Variants in CADPS observed in about 807,000 individuals in gnomAD.
The protein encoded by CADPS is calcium dependent secretion activator.
In CADPS, 57 loss-of-function variants were observed where a neutral mutation model predicts 167.3. That is an observed-to-expected ratio of 0.34 (90% CI 0.28 to 0.42). CADPS has a LOEUF of 0.42. Ranked by LOEUF, CADPS falls within the 20% of genes least tolerant of loss-of-function variation. The probability of loss-of-function intolerance (pLI) is 1.00; values close to 1 mark genes in which losing one functional copy is unlikely to be tolerated. For missense variants in CADPS, 1,414 were observed against 1,738.1 expected (o/e 0.81, Z 3.32); for synonymous variants, 676 against 635.3 (o/e 1.06, Z -0.96).
chr3:62,656,149 T>C (rs946152676), intron 4 of CADPS, among the ~76,000 whole-genome samples: 31 of 152,146 alleles, frequency 2.0e-4, no homozygotes, highest in Admixed American at 2.0e-3. Flanking sequence ...TGAATATGTT[T>C]TGATCACTGA....
chr3:62,473,478 T>C (rs1033713935), intron 24 of CADPS, among the ~76,000 whole-genome samples: 1 of 152,240 alleles, frequency 6.6e-6, no homozygotes, highest in Non-Finnish European at 1.5e-5. Context: ...TCTGAATTAA[T>C]TCTAAATTGG....
chr3:62,580,364 C>T (rs2152522114), intron 8 of CADPS, among the ~76,000 whole-genome samples: 1 of 152,162 alleles, frequency 6.6e-6, no homozygotes, highest in South Asian at 2.1e-4. Flanking sequence ...CATGTTCTCA[C>T]TCATAGATCG....
rs749950296 is a variant in CADPS, at chr3:62,445,726, A to AC, written c.3669+38dup. ...AAAGTAAAAATGAAAAAAAAAAAAA[A>AC]CAAAAAAACCCCATGAGAAACAATT... On this transcript the variant is annotated intron_variant, in intron 27 of 29. Transcript: ENST00000383710. 6 of 1,197,486 alleles carry AC rather than the reference A, an allele frequency of 5.0e-6. No individual in the cohort carries two copies. In the Admixed American group the frequency reaches 8.1e-5, roughly 16 times the overall value. 74.2% of individuals were successfully genotyped at this position (1,197,486 alleles called of 1,614,324 possible). A position where few individuals can be genotyped will look rare whatever the true frequency, so the allele number is the denominator to read the frequency against.
intron 3 of CADPS, among the ~76,000 whole-genome samples, chr3:62,685,403 G>A (rs991871513): frequency 5.3e-5 from 8 of 151,850 alleles, no homozygotes; most frequent in Admixed American, 1.3e-4. Flanking sequence ...AAGTATAAAC[G>A]TGCCATATAA....
chr3:62,517,250 G>A (rs1044908392), intron 14 of CADPS, among the ~76,000 whole-genome samples: 1 of 152,136 alleles, frequency 6.6e-6, no homozygotes, highest in Non-Finnish European at 1.5e-5. Context: ...TCCAGTGACT[G>A]GTTTCAGGTT....
chr3:62,461,695 C>A (rs545911832), intron 26 of CADPS, among the ~76,000 whole-genome samples: 1 of 152,198 alleles, frequency 6.6e-6, no homozygotes, highest in Non-Finnish European at 1.5e-5. Flanking sequence ...GAGCTTAAGT[C>A]GCTCATGTCC....
At chr3:62,704,164 C>T (rs1358053778) in intron 3 of CADPS, among the ~76,000 whole-genome samples, 1 of 152,036 alleles carries the variant, frequency 6.6e-6, no homozygotes, top group Non-Finnish European at 1.5e-5. Flanking sequence ...GAACATTAGA[C>T]CAAGAAGAAA....
intron 5 of CADPS, among the ~76,000 whole-genome samples, chr3:62,648,856 T>C (rs1426857969): frequency 6.6e-6 from 1 of 152,084 alleles, no homozygotes; most frequent in African/African-American, 2.4e-5. Flanking sequence ...ATACATTCAG[T>C]ACCTCAGGTG....
chr3:62,652,406 A>ACC (rs2070406308), intron 4 of CADPS, among the ~76,000 whole-genome samples: 2 of 148,366 alleles, frequency 1.3e-5, no homozygotes, highest in African/African-American at 2.5e-5. Context: ...GGCCAAAAAA[A>ACC]AAAAAAAAAA....
chr3:62,649,924 A>G (rs1157482099), intron 5 of CADPS, among the ~76,000 whole-genome samples: 2 of 151,962 alleles, frequency 1.3e-5, no homozygotes, highest in African/African-American at 2.4e-5. Flanking sequence ...GTTCCTTTTA[A>G]TTGCTGAATC....
chr3:62,411,344 G>A (rs1346189210), intron 28 of CADPS, among the ~76,000 whole-genome samples: 2 of 152,136 alleles, frequency 1.3e-5, no homozygotes, highest in African/African-American at 2.4e-5. Context: ...ATAACATTTT[G>A]TTTGTTGGCA....
intron 1 of CADPS, among the ~76,000 whole-genome samples, chr3:62,794,863 A>G (rs1208077646): frequency 1.3e-5 from 2 of 151,852 alleles, no homozygotes; most frequent in African/African-American, 4.8e-5. Flanking sequence ...GAATTTTTAA[A>G]AATCTAATTT....
At chr3:62,798,888 T>TGTA (rs936882361) in intron 1 of CADPS, among the ~76,000 whole-genome samples, 4 of 152,192 alleles carry the variant, frequency 2.6e-5, no homozygotes, top group African/African-American at 7.2e-5. Context: ...ATGAATGACC[T>TGTA]GTATTGGCTC....
intron 9 of CADPS, among the ~76,000 whole-genome samples, chr3:62,568,539 A>T (rs768400598): frequency 1.3e-5 from 2 of 152,152 alleles, no homozygotes. Context: ...TGTACCAGTG[A>T]CTTGCTGGGG....
intron 1 of CADPS, among the ~76,000 whole-genome samples, chr3:62,772,015 A>G (rs1408792854): frequency 2.0e-5 from 3 of 152,216 alleles, no homozygotes; most frequent in African/African-American, 7.2e-5. Context: ...TCCTCTGTAA[A>G]TAGGGGAAAG....
intron 1 of CADPS, chr3:62,779,278 T>C: frequency 2.8e-6 from 1 of 353,138 alleles, no homozygotes. Flanking sequence ...TTTTGCTTTC[T>C]GGGCAGGAAA....
chr3:62,530,579 T>C, intron 13 of CADPS: 1 of 918,102 alleles, frequency 1.1e-6, no homozygotes, highest in Non-Finnish European at 1.4e-6. Context: ...AAAGTGGAAG[T>C]GATGGCATGG....
At chr3:62,494,808 A>ATT (rs202148151) in intron 18 of CADPS, among the ~76,000 whole-genome samples, 7 of 148,974 alleles carry the variant, frequency 4.7e-5, no homozygotes, top group East Asian at 2.0e-4. Context: ...TACCTGGCTA[A>ATT]TTTTTTTTTG....
At chr3:62,452,199 G>A (rs568296240) in intron 26 of CADPS, among the ~76,000 whole-genome samples, 3 of 152,264 alleles carry the variant, frequency 2.0e-5, no homozygotes, top group Admixed American at 6.5e-5. Flanking sequence ...CAGTTCAAAA[G>A]GCATAGTCCC....
Sources: allele counts gnomAD v4.1 joint callset (sites outside exome capture counted in the v4.1 genomes callset), GRCh38; gene constraint gnomAD v4.1.1; transcripts MANE v1.5; gene names NCBI Gene and HGNC (gene_info 2026-07-23, HGNC 2026-07-21).